Variants in CTC1 observed in about 807,000 individuals in gnomAD.
CTC1 encodes CST telomere replication complex component 1, also known as CST complex subunit CTC1.
Under a neutral mutation model 136.3 loss-of-function variants are expected in CTC1, and 91 were observed. That is an observed-to-expected ratio of 0.67 (90% CI 0.56 to 0.79). The LOEUF (loss-of-function observed/expected upper bound fraction) is 0.79. CTC1 is among the 30% of genes least tolerant of loss of function. The pLI, the probability that CTC1 is intolerant of heterozygous loss-of-function variation, is 0.00. For missense variants in CTC1, 1,432 were observed against 1,498.1 expected (o/e 0.96, Z 0.73); for synonymous variants, 606 against 613.8 (o/e 0.99, Z 0.19).
At chr17:8,241,928 T>C (rs927100283) in intron 2 of CTC1, among the ~76,000 whole-genome samples, 4 of 151,888 alleles carry the variant, frequency 2.6e-5, no homozygotes, top group African/African-American at 7.3e-5. Context: ...TCTACACTTA[T>C]GCAAAACTCT....
Position 8,227,540 on chromosome 17 carries a change from G to C in CTC1, c.*640C>G, listed in dbSNP as rs1402899102. 6.5e-6 allele frequency: 1 copy of C among 152,748 alleles called. No homozygotes were observed. Among genetic ancestry groups the C allele is most frequent in the Non-Finnish European group, 1.5e-5 (1 of 68,622 alleles). 9.5% of individuals were successfully genotyped at this position (152,748 alleles called of 1,614,324 possible). On this transcript the variant is annotated 3_prime_UTR_variant, in exon 23 of 23. Transcript: ENST00000651323. Reference sequence around the variant, plus strand: ...TTCTTTGTGCTTGTGAACACCTCTAGGCATTCATATTTGACTTCCTGCAGG... The same window carrying C: ...TTCTTTGTGCTTGTGAACACCTCTACGCATTCATATTTGACTTCCTGCAGG...
In CTC1 at chr17:8,238,156, T is replaced by C; in HGVS notation, c.522A>G (p.Ser174=). 1 of 1,614,036 alleles carries C rather than the reference T, an allele frequency of 6.2e-7. No individual in the cohort carries two copies. Among genetic ancestry groups the C allele is most frequent in the Non-Finnish European group, 8.5e-7 (1 of 1,179,950 alleles). Residue 174 remains serine, a synonymous_variant, in exon 4 of 23, where the codon TCA becomes TCG. Transcript: ENST00000651323. The part of the protein sequence containing the change: ...SYLPPARWNS[S]GEGHLELWDA... Reference sequence around the variant, plus strand: ...CCCACAGCTCCAAGTGCCCTTCCCCTGAGGAATTCCACCTGGCAGGAGGGA... The same window carrying C: ...CCCACAGCTCCAAGTGCCCTTCCCCCGAGGAATTCCACCTGGCAGGAGGGA...
intron 18 of CTC1, 57 bp from the exon 19 acceptor site, chr17:8,229,503 G>A: frequency 1.3e-6 from 2 of 1,523,206 alleles, no homozygotes; most frequent in Non-Finnish European, 1.8e-6. Flanking sequence ...AGGCAAAGGG[G>A]TTCTGAAAGC....
At chr17:8,242,577 T>TAC in intron 2 of CTC1, among the ~76,000 whole-genome samples, 1 of 130,802 alleles carries the variant, frequency 7.6e-6, no homozygotes, top group East Asian at 2.1e-4. Context: ...TATATATATA[T>TAC]ATACACATAT....
rs1184550008 is a variant in CTC1 at position 8,242,917 on chromosome 17, CCTTA to C, written c.197+64_197+67del. On this transcript the variant is annotated intron_variant, in intron 2 of 22. Transcript: ENST00000651323. ...ACTTGCCCTTTTTCTAATTATAGAA[CCTTA>C]CTTTTCAATCCTGAATTCAATACCT... 7 of 1,437,366 alleles carry C rather than the reference CCTTA, an allele frequency of 4.9e-6. No individual in the cohort carries two copies. The East Asian group carries it at 1.0e-4, about 21-fold the overall frequency. The allele number at this position is 1,437,366 out of a possible 1,614,324, so 89.0% of individuals were successfully genotyped here.
intron 5 of CTC1, 56 bp from the exon 6 acceptor site, chr17:8,236,398 G>T: frequency 6.5e-7 from 1 of 1,545,120 alleles, no homozygotes; most frequent in Non-Finnish European, 8.7e-7. Context: ...CTGCCACTCT[G>T]CCAGAGTCCT....
chr17:8,248,012 G>T lies in CTC1; in HGVS notation c.25C>A (p.Pro9Thr). 4.3e-6 allele frequency: 7 copies of T among 1,610,034 alleles called. No individual in the cohort carries two copies. The highest frequency in any genetic ancestry group is 5.9e-6 in the Non-Finnish European group (7 of 1,178,230). The change falls in exon 1 of 23, where the codon CCT becomes ACT. Residue 9 changes from proline (P) to threonine (T), a missense_variant. Coordinates refer to ENST00000651323, the MANE Select transcript of CTC1 (RefSeq NM_025099.6). MAAGRAQV[P>T]SSEQAWLEDA... is the part of the protein sequence containing the mutation. ...GTAATAGCAGCACTCACGGAGGAAG[G>T]GACCTGGGCCCGGCCAGCCGCCATG...
In CTC1 at chr17:8,227,148, C is replaced by T. The variant is rs534044520; in HGVS notation, c.*1032G>A. On this transcript the variant is annotated 3_prime_UTR_variant, in exon 23 of 23. Coordinates refer to ENST00000651323, the MANE Select transcript of CTC1 (RefSeq NM_025099.6). ...CATAAATCCCAACATATGGGTTTAA[C>T]CACGCTCTAAAGGTCTCCCAAACAC... is the stretch of plus-strand genomic sequence containing the variant. 1.3e-5 allele frequency: 2 copies of T among 152,284 alleles called. No individual in the cohort carries two copies. Among genetic ancestry groups the T allele is most frequent in the South Asian group, 4.1e-4 (2 of 4,824 alleles). 9.4% of individuals were successfully genotyped at this position (152,284 alleles called of 1,614,324 possible).
intron 3 of CTC1, 34 bp from the exon 4 acceptor site, chr17:8,238,276 C>A: frequency 6.4e-7 from 1 of 1,573,500 alleles, no homozygotes; most frequent in Non-Finnish European, 8.7e-7. Flanking sequence ...TTAATCAGAA[C>A]CTTAGCATCC....
At chr17:8,237,334 C>T (rs757126195) in intron 5 of CTC1, 41 bp downstream of exon 5, 37 of 1,612,208 alleles carry the variant, frequency 2.3e-5, no homozygotes, top group Non-Finnish European at 3.0e-5. Context: ...AGTTCTACCA[C>T]CCTCCCCCAC....
At chr17:8,232,527 G>A in intron 11 of CTC1, 52 bp from the exon 12 acceptor site, 2 of 1,475,746 alleles carry the variant, frequency 1.4e-6, no homozygotes, top group African/African-American at 1.4e-5. Flanking sequence ...TGTGGGGTGG[G>A]TTGCAAGGCA....
chr17:8,242,842 C>T, intron 2 of CTC1, 143 bp downstream of exon 2: 1 of 558,120 alleles, frequency 1.8e-6, no homozygotes, highest in East Asian at 3.4e-5. Context: ...GTTAGAAAAG[C>T]TCTGCAGAAG....
rs780945575 is a variant in CTC1, at chr17:8,234,901, G to C, written c.1465C>G (p.His489Asp). The change falls in exon 9 of 23, where the codon CAC (histidine) becomes GAC (aspartate). Residue 489 changes from histidine (H) to aspartate (D), a missense_variant. By Grantham distance (81) the His-to-Asp change is moderately conservative (BLOSUM62 -1). Transcript: ENST00000651323. Reference protein sequence around the residue: ...CKLCPHVLRHHQFLQHSSPGS... With the variant: ...CKLCPHVLRHDQFLQHSSPGS... ...GGAGAGGAATGTTGCAGGAACTGGT[G>C]GTGTCTCAGCACATGGGGACACAGC... 6.2e-7 allele frequency: 1 copy of C among 1,607,292 alleles called. No homozygotes were observed. Among genetic ancestry groups the C allele is most frequent in the Admixed American group, 1.7e-5 (1 of 59,382 alleles).
intron 5 of CTC1, among the ~76,000 whole-genome samples, 196 bp from the exon 6 acceptor site, chr17:8,236,538 C>G (rs1240730603): frequency 6.6e-6 from 1 of 152,168 alleles, no homozygotes; most frequent in Non-Finnish European, 1.5e-5. Flanking sequence ...TATTTCCAAA[C>G]CACTTCCCCA....
In CTC1 at chr17:8,226,175, A is replaced by G. The variant is rs1306887424; in HGVS notation, c.*2005T>C. On this transcript the variant is annotated 3_prime_UTR_variant, in exon 23 of 23. Transcript: ENST00000651323. ...AGAAACTCTTACGCGTTCTGATATAAAAACAATACATGAAAGGATGTGGAT... is the reference window on the plus strand; with the variant it reads ...AGAAACTCTTACGCGTTCTGATATAGAAACAATACATGAAAGGATGTGGAT... 1 of 152,206 alleles carries G rather than the reference A, an allele frequency of 6.6e-6. No individual in the cohort carries two copies. The highest frequency in any genetic ancestry group is 2.4e-5 in the African/African-American group (1 of 41,438). The allele number at this position is 152,206 out of a possible 1,614,324, so 9.4% of individuals were successfully genotyped here.
chr17:8,231,827 G>A lies in CTC1; in HGVS notation c.2386-12C>T. On this transcript the variant is annotated splice_polypyrimidine_tract_variant and intron_variant, in intron 13 of 22. Coordinates refer to ENST00000651323, the MANE Select transcript of CTC1 (RefSeq NM_025099.6). ...AAAATGAGGTGAACCTGGGAGGATG[G>A]AGAGCAAAGTGCTGGGATCCTAGCC... 6.2e-7 allele frequency: 1 copy of A among 1,614,146 alleles called. No individual in the cohort carries two copies. Among genetic ancestry groups the A allele is most frequent in the South Asian group, 1.1e-5 (1 of 91,078 alleles).
At position 8,230,344 on chromosome 17, in the gene CTC1, T is replaced by C. The variant is rs1478053806; in HGVS notation, c.2883A>G (p.Leu961=). 6.2e-7 allele frequency: 1 copy of C among 1,613,882 alleles called. No individual in the cohort carries two copies. The highest frequency in any genetic ancestry group is 1.7e-5 in the Admixed American group (1 of 59,986). The change falls in exon 17 of 23, where the codon CTA becomes CTG. Residue 961 remains leucine (L), a synonymous_variant. Coordinates refer to ENST00000651323, the MANE Select transcript of CTC1 (RefSeq NM_025099.6). ...EDPHLPPSLG[L]LPGARVHFSQ... ...TGAAGTGGACCCGGGCTCCTGGAAGTAGTCCTAGTGAGGGAGGCAAGTGTG... is the reference window on the plus strand; with the variant it reads ...TGAAGTGGACCCGGGCTCCTGGAAGCAGTCCTAGTGAGGGAGGCAAGTGTG...
chr17:8,228,901 A>G lies in CTC1; in HGVS notation c.3222-9T>C. ...CATCCTCCACCAGGAGCCTATGGGG[A>G]GCAGGAGGAAATAAAAACGCCTATA... is the stretch of plus-strand genomic sequence containing the variant. On this transcript the variant is annotated splice_polypyrimidine_tract_variant and intron_variant, in intron 20 of 22. Transcript: ENST00000651323. 6.3e-7 allele frequency: 1 copy of G among 1,599,470 alleles called. No homozygotes were observed. Among genetic ancestry groups the G allele is most frequent in the Non-Finnish European group, 8.5e-7 (1 of 1,175,268 alleles).
rs528569900 is a variant in CTC1, at chr17:8,226,655, T to C, written c.*1525A>G. ...CCTGCGCGGGGAGACCCCAATGGAT[T>C]TCTAGTCCATCGCCTTAACCACTCG... On this transcript the variant is annotated 3_prime_UTR_variant, in exon 23 of 23. Transcript: ENST00000651323. The C allele has an allele frequency of 6.6e-6, 1 of 152,302 alleles. No homozygotes were observed. The highest frequency in any genetic ancestry group is 1.9e-4 in the East Asian group (1 of 5,180). The allele number at this position is 152,302 out of a possible 1,614,324, so 9.4% of individuals were successfully genotyped here.
Sources: allele counts gnomAD v4.1 joint callset (sites outside exome capture counted in the v4.1 genomes callset), GRCh38; gene constraint gnomAD v4.1.1; transcripts MANE v1.5; gene names NCBI Gene and HGNC (gene_info 2026-07-23, HGNC 2026-07-21).